Variants in EIF3A observed in about 807,000 individuals in gnomAD.
EIF3A encodes EIF3, p180 subunit.
EIF3A carries 21 observed loss-of-function variants against 186.6 expected under a neutral mutation model. That is an observed-to-expected ratio of 0.11 (90% CI 0.08 to 0.16). The LOEUF (loss-of-function observed/expected upper bound fraction) is 0.16, where lower values mean the gene tolerates loss of function less well. Among genes scored for constraint, EIF3A ranks in the 10% least tolerant of loss-of-function variants. EIF3A has a pLI of 1.00. For synonymous variants in EIF3A, 563 were observed against 584.3 expected (o/e 0.96, Z 0.52); for missense variants, 1,306 against 1,796.3 (o/e 0.73, Z 4.93).
intron 15 of EIF3A, 110 bp from the exon 16 acceptor site, chr10:119,050,784 G>C: frequency 8.5e-7 from 1 of 1,174,048 alleles, no homozygotes; most frequent in Non-Finnish European, 1.2e-6. Context: ...CAGAATCATC[G>C]AAAGCAACCT....
In EIF3A at chr10:119,056,836, T is replaced by C. The variant is rs1220678790; in HGVS notation, c.2100A>G (p.Arg700=). The C allele has an allele frequency of 1.9e-6, 3 of 1,613,096 alleles. No homozygotes were observed. The highest frequency in any genetic ancestry group is 2.5e-6 in the Non-Finnish European group (3 of 1,179,208). The change falls in exon 14 of 22, where the codon AGA becomes AGG. Residue 700 remains arginine (R), a synonymous_variant. Transcript: ENST00000369144. ...NQEKKIDYFE[R]AKRLEEIPLI... The stretch of plus-strand genomic sequence containing the variant: ...AAGGAATTTCTTCCAAACGTTTGGC[T>C]CTTTCAAAATAGTCAATCTGAATGA...
intron 12 of EIF3A, 27 bp downstream of exon 12, chr10:119,057,929 T>A: frequency 6.4e-7 from 1 of 1,574,408 alleles, no homozygotes; most frequent in Non-Finnish European, 8.6e-7. Flanking sequence ...ATAAAACTAA[T>A]TTTTTAATAA....
rs191842938 is a variant in EIF3A, at chr10:119,057,078, G to A, written c.1978-38C>T. 1.5e-4 allele frequency: 187 copies of A among 1,273,824 alleles called. 2 individuals are homozygous for A. Among genetic ancestry groups the A allele is most frequent in the Non-Finnish European group, 1.3e-5 (12 of 892,166 alleles). The allele number at this position is 1,273,824 out of a possible 1,614,324, so 78.9% of individuals were successfully genotyped here. ...ACAAATGCACAATTGTTAATAAAGA[G>A]AAACAAGCAATGCCTAACATAACTC... On this transcript the variant is annotated intron_variant, in intron 12 of 21. Coordinates refer to ENST00000369144, the MANE Select transcript of EIF3A (RefSeq NM_003750.4).
At chr10:119,060,974 G>T in intron 8 of EIF3A, 130 bp from the exon 9 acceptor site, 1 of 668,448 alleles carries the variant, frequency 1.5e-6, no homozygotes, top group Non-Finnish European at 2.5e-6. Context: ...GTATCATGAA[G>T]CTACTGATAC....
Position 119,037,221 on chromosome 10 carries a change from G to A in EIF3A, c.3817C>T (p.Arg1273Cys), listed in dbSNP as rs769778705. 7 of 1,613,888 alleles carry A rather than the reference G, an allele frequency of 4.3e-6. No homozygotes were observed. Among genetic ancestry groups the A allele is most frequent in the East Asian group, 2.2e-5 (1 of 44,882 alleles). Residue 1273 changes from arginine (R) to cysteine (C), a missense_variant, in exon 21 of 22, where the codon CGT becomes TGT. Arg to Cys is a radical substitution (Grantham distance 180). Transcript: ENST00000369144. ...CGCCGGTCATCCCTCTCACGGCGAC[G>A]GTCATCCCTATCCCTATCGTCCCGG... ...SRRDDRDRDD[R>C]RRERDDRRDL...
chr10:119,069,872 G>T (rs539101139), intron 5 of EIF3A, among the ~76,000 whole-genome samples: 2 of 152,228 alleles, frequency 1.3e-5, no homozygotes, highest in South Asian at 4.1e-4. Flanking sequence ...GAAATAATGG[G>T]AAGTAGACAG....
intron 7 of EIF3A, among the ~76,000 whole-genome samples, chr10:119,063,182 A>C (rs1843917907): frequency 6.6e-6 from 1 of 152,070 alleles, no homozygotes; most frequent in African/African-American, 2.4e-5. Context: ...TTCTCAAGAC[A>C]CTGCTGTTGC....
chr10:119,059,563 T>C, intron 10 of EIF3A, 39 bp downstream of exon 10: 2 of 1,513,330 alleles, frequency 1.3e-6, no homozygotes, highest in East Asian at 4.5e-5. Context: ...TTTCTAGCCC[T>C]CAAGGGCCTT....
At chr10:119,075,843 CGCTGGG>C (rs1844162227) in intron 1 of EIF3A, among the ~76,000 whole-genome samples, 1 of 141,214 alleles carries the variant, frequency 7.1e-6, no homozygotes, top group Non-Finnish European at 1.5e-5. Context: ...CCTCCTGAGT[CGCTGGG>C]ACTACGGAGC....
intron 7 of EIF3A, 35 bp downstream of exon 7, chr10:119,065,364 C>T: frequency 6.5e-7 from 1 of 1,527,986 alleles, no homozygotes; most frequent in South Asian, 1.2e-5. Flanking sequence ...AAGTTTTCTG[C>T]CCAAAGCTAC....
chr10:119,059,230 A>C lies in EIF3A; in HGVS notation c.1611T>G (p.Ile537Met), dbSNP rs1843843130. ...TGCATACCAGTATATGAGCTGGTTT[A>C]ATGACTTCAAGTGCTTTTGCAAGTA... ...SSVLAKALEVIKPAHILQEKE... is the reference protein window; with the variant it reads ...SSVLAKALEVMKPAHILQEKE... Residue 537 changes from isoleucine to methionine, a missense_variant, in exon 11 of 22, where the codon ATT becomes ATG. This residue lies in a region of EIF3A where 44 missense variants were observed against 43.4 expected (regional missense o/e 1.01). Coordinates refer to ENST00000369144, the MANE Select transcript of EIF3A (RefSeq NM_003750.4). 6.2e-7 allele frequency: 1 copy of C among 1,614,180 alleles called. No homozygotes were observed.
chr10:119,066,334 C>A (rs774638759), intron 6 of EIF3A, among the ~76,000 whole-genome samples: 1 of 150,848 alleles, frequency 6.6e-6, no homozygotes, highest in African/African-American at 2.4e-5. Flanking sequence ...CATGGTGAAA[C>A]CCCATCTCTA....
intron 1 of EIF3A, among the ~76,000 whole-genome samples, chr10:119,077,249 G>C (rs1285912815): frequency 6.6e-6 from 1 of 152,106 alleles, no homozygotes; most frequent in Non-Finnish European, 1.5e-5. Flanking sequence ...CAGATCACTT[G>C]AGGCCAAGGG....
rs1485475216 is a variant in EIF3A at position 119,038,426 on chromosome 10, C to T, written c.3540G>A (p.Glu1180=). Residue 1180 remains glutamate (E), a synonymous_variant, in exon 20 of 22, where the codon GAG becomes GAA. Coordinates refer to ENST00000369144, the MANE Select transcript of EIF3A (RefSeq NM_003750.4). Reference sequence around the variant, plus strand: ...AGCTCTCCTCTCTGGCTTTTTCTTTCTCTCTCCATCCACCTGTTTTTTTGA... The same window carrying T: ...AGCTCTCCTCTCTGGCTTTTTCTTTTTCTCTCCATCCACCTGTTTTTTTGA... ...RPLVKPGGWR[E]KEKAREESWG... is the part of the protein sequence containing the mutation. 3 of 1,612,576 alleles carry T rather than the reference C, an allele frequency of 1.9e-6. No homozygotes were observed. In the African/African-American group the frequency reaches 4.0e-5, roughly 22 times the overall value.
Position 119,079,274 on chromosome 10 carries a change from T to C in EIF3A, c.49+1354A>G, listed in dbSNP as rs537028644. Among the ~76,000 whole-genome samples the C allele has an allele frequency of 7.6e-4, 115 of 152,316 alleles. 2 individuals are homozygous for C. The highest frequency in any genetic ancestry group is 2.7e-3 in the African/African-American group (114 of 41,576). On this transcript the variant is annotated intron_variant, in intron 1 of 21. Coordinates refer to ENST00000369144, the MANE Select transcript of EIF3A (RefSeq NM_003750.4). The stretch of plus-strand genomic sequence containing the variant: ...AAAACAATTACTCCATTCCACACAA[T>C]GTGGAATTATCCTATTCCACAGACC...
At position 119,058,050 on chromosome 10, in the gene EIF3A, T is replaced by C. The variant is rs751893874; in HGVS notation, c.1883A>G (p.His628Arg). ...EREKERILQE[H>R]EQIKKKTVRE... ...GACAGTTTTCTTTTTGATTTGTTCA[T>C]GTTCCTGTAAGATACGCTCCTTCTC... The change falls in exon 12 of 22, where the codon CAT becomes CGT. Residue 628 changes from histidine to arginine, a missense_variant. Transcript: ENST00000369144. The C allele has an allele frequency of 6.2e-7, 1 of 1,614,260 alleles. No homozygotes were observed.
rs1848367766 is a variant in EIF3A at position 119,052,368 on chromosome 10, T to TGTGTGTG, written c.2197-1048_2197-1047insCACACAC. Reference sequence around the variant, plus strand: ...CTTCAGGTTATAGTCTTTTTTGGTTTTGTGTGTGTGTGTGTGTGTGTGTGT... The same window carrying TGTGTGTG: ...CTTCAGGTTATAGTCTTTTTTGGTTTGTGTGTGTGTGTGTGTGTGTGTGTGTGTGTGT... On this transcript the variant is annotated intron_variant, in intron 14 of 21. Coordinates refer to ENST00000369144, the MANE Select transcript of EIF3A (RefSeq NM_003750.4). 2.0e-3 allele frequency among the ~76,000 whole-genome samples: 252 copies of TGTGTGTG among 123,062 alleles called. 5 individuals are homozygous for TGTGTGTG. The highest frequency in any genetic ancestry group is 7.2e-3 in the African/African-American group (245 of 34,040). The allele number at this position is 123,062 out of a possible 152,430, so 80.7% of individuals were successfully genotyped here.
At chr10:119,079,200 T>G (rs1844222864) in intron 1 of EIF3A, among the ~76,000 whole-genome samples, 1 of 152,204 alleles carries the variant, frequency 6.6e-6, no homozygotes, top group Non-Finnish European at 1.5e-5. Context: ...CTGGTTATCA[T>G]TAGAATGAAT....
In EIF3A at chr10:119,038,398, C is replaced by T; in HGVS notation, c.3568G>A (p.Gly1190Ser). ...GATGGCCTTGATTCTCGAGGTGGACCCCAGCTCTCCTCTCTGGCTTTTTCT... is the reference window on the plus strand; with the variant it reads ...GATGGCCTTGATTCTCGAGGTGGACTCCAGCTCTCCTCTCTGGCTTTTTCT... The part of the protein sequence containing the change: ...EKEKAREESW[G>S]PPRESRPSEE... Residue 1190 changes from glycine to serine, a missense_variant, in exon 20 of 22, where the codon GGT becomes AGT. Gly to Ser is a moderately conservative substitution (Grantham distance 56). This residue lies in a region of EIF3A where 331 missense variants were observed against 365.8 expected (regional missense o/e 0.90). Coordinates refer to ENST00000369144, the MANE Select transcript of EIF3A (RefSeq NM_003750.4). The T allele has an allele frequency of 6.2e-7, 1 of 1,614,062 alleles. No individual in the cohort carries two copies. The highest frequency in any genetic ancestry group is 8.5e-7 in the Non-Finnish European group (1 of 1,180,030).
Sources: allele counts gnomAD v4.1 joint callset (sites outside exome capture counted in the v4.1 genomes callset), GRCh38; gene constraint gnomAD v4.1.1; regional missense constraint gnomAD v4.1.1; transcripts MANE v1.5; gene names NCBI Gene and HGNC (gene_info 2026-07-23, HGNC 2026-07-21).